KIF15: variants seen among roughly 807,000 people sequenced by gnomAD.
KIF15 encodes the protein kinesin family member 15.
KIF15 carries 140 observed loss-of-function variants against 190.6 expected under a neutral mutation model. That is an observed-to-expected ratio of 0.73 (90% CI 0.64 to 0.84). KIF15 has a LOEUF of 0.84. KIF15 is among the 40% of genes least tolerant of loss of function. The probability of loss-of-function intolerance (pLI) is 0.00; values close to 1 mark genes in which losing one functional copy is unlikely to be tolerated. For missense variants in KIF15, 1,372 were observed against 1,584.4 expected, an observed-to-expected ratio of 0.87 and a Z score of 2.28; for synonymous variants, 528 against 551.3, an observed-to-expected ratio of 0.96 and a Z score of 0.59.
intron 2 of KIF15, 121 bp from the exon 3 acceptor site, chr3:44,775,133 T>C (rs1705813739): frequency 2.7e-6 from 2 of 737,190 alleles, no homozygotes; most frequent in Non-Finnish European, 4.5e-6. Context: ...GTATGGGATA[T>C]GTCTTGGGCT....
intron 16 of KIF15, 98 bp downstream of exon 16, chr3:44,806,084 C>G: frequency 7.5e-7 from 1 of 1,331,074 alleles, no homozygotes; most frequent in Non-Finnish European, 1.0e-6. Context: ...ATGCAGATGA[C>G]ATCCCATGCA....
chr3:44,773,314 G>A (rs1575577057), intron 1 of KIF15, among the ~76,000 whole-genome samples: 1 of 152,326 alleles, frequency 6.6e-6, no homozygotes, highest in East Asian at 1.9e-4. Flanking sequence ...CTTCCCTGGG[G>A]CTTGAACCTA....
chr3:44,862,001 C>T lies in KIF15; in HGVS notation c.*59+9207C>T. 3 of 1,387,048 alleles carry T rather than the reference C, an allele frequency of 2.2e-6. No homozygotes were observed. The South Asian group carries it at 5.0e-5, about 23-fold the overall frequency. 85.9% of individuals were successfully genotyped at this position (1,387,048 alleles called of 1,614,324 possible). A position where few individuals can be genotyped will look rare whatever the true frequency, so the allele number is the denominator to read the frequency against. ...CCTGACACCCCCGCGGAATTCCCTC[C>T]GCACCTCCAGGCGGGTGCGATGCGG... On this transcript the variant is annotated intron_variant and NMD_transcript_variant, in intron 6 of 6. Coordinates refer to the KIF15 transcript ENST00000422209.
chr3:44,826,497 A>C (rs1166921031), intron 22 of KIF15, 37 bp downstream of exon 22: 1 of 1,310,174 alleles, frequency 7.6e-7, no homozygotes, highest in Non-Finnish European at 1.1e-6. Flanking sequence ...GCATACTAGA[A>C]TATTGTTTAA....
intron 16 of KIF15, among the ~76,000 whole-genome samples, chr3:44,808,256 A>C (rs1278273298): frequency 2.0e-5 from 3 of 152,232 alleles, no homozygotes; most frequent in African/African-American, 7.2e-5. Context: ...TTGAAGCACC[A>C]CGGCATTCTC....
At chr3:44,827,280 C>A in intron 22 of KIF15, 179 bp from the exon 23 acceptor site, 1 of 549,772 alleles carries the variant, frequency 1.8e-6, no homozygotes, top group African/African-American at 1.9e-5. Context: ...AAAATGGGTT[C>A]TCATTGAATA....
intron 20 of KIF15, among the ~76,000 whole-genome samples, chr3:44,824,218 T>A (rs1360144848): frequency 6.6e-6 from 1 of 152,234 alleles, no homozygotes; most frequent in Non-Finnish European, 1.5e-5. Flanking sequence ...TTTTAAAAAT[T>A]GAGTGTTTTA....
At chr3:44,827,332 G>A in intron 22 of KIF15, 127 bp from the exon 23 acceptor site, 1 of 649,702 alleles carries the variant, frequency 1.5e-6, no homozygotes, top group Non-Finnish European at 2.7e-6. Flanking sequence ...CCCCCCGGAA[G>A]GTAATGCCTG....
intron 2 of KIF15, 138 bp downstream of exon 2, chr3:44,774,575 G>T: frequency 8.8e-6 from 6 of 682,510 alleles, no homozygotes; most frequent in Non-Finnish European, 1.5e-5. Context: ...TGGGAAAACT[G>T]CATATTACCT....
intron 30 of KIF15, among the ~76,000 whole-genome samples, chr3:44,847,201 AG>A (rs950899116): frequency 6.6e-6 from 1 of 152,180 alleles, no homozygotes; most frequent in African/African-American, 2.4e-5. Flanking sequence ...ACCTCACTGT[AG>A]CTTCTGTTTT....
intron 20 of KIF15, among the ~76,000 whole-genome samples, chr3:44,820,400 G>C (rs1023281865): frequency 6.6e-6 from 1 of 151,794 alleles, no homozygotes; most frequent in South Asian, 2.1e-4. Flanking sequence ...TCTCACAGAG[G>C]GGGATTTGGC....
In KIF15 at chr3:44,812,204, C is replaced by G; in HGVS notation, c.2192C>G (p.Ala731Gly). Reference sequence around the variant, plus strand: ...CAGGAACAAATGAGTGCTCTTCAAGCCAAACTGGATGAAGAAGAGCATAAA... The same window carrying G: ...CAGGAACAAATGAGTGCTCTTCAAGGCAAACTGGATGAAGAAGAGCATAAA... ...TVQEQMSALQAKLDEEEHKNL... is the reference protein window; with the variant it reads ...TVQEQMSALQGKLDEEEHKNL... The change falls in exon 18 of 35, where the codon GCC (alanine) becomes GGC (glycine). Residue 731 changes from alanine (A) to glycine (G), a missense_variant. Ala to Gly is a moderately conservative substitution (Grantham distance 60). Transcript: ENST00000326047. 1 of 1,613,624 alleles carries G rather than the reference C, an allele frequency of 6.2e-7. No individual in the cohort carries two copies. The highest frequency in any genetic ancestry group is 1.1e-5 in the South Asian group (1 of 90,966).
intron 32 of KIF15, among the ~76,000 whole-genome samples, chr3:44,850,499 A>G (rs139183257): frequency 0.011 from 1,602 of 152,310 alleles, 18 homozygotes; most frequent in Middle Eastern, 0.027. Flanking sequence ...AGTCTTCATG[A>G]TATGCTGTCT....
chr3:44,848,384 T>C (rs1433961573), intron 31 of KIF15, 137 bp from the exon 32 acceptor site: 1 of 578,088 alleles, frequency 1.7e-6, no homozygotes, highest in Non-Finnish European at 3.1e-6. Flanking sequence ...TATGTGTAGC[T>C]GGCACTGTGG....
intron 30 of KIF15, among the ~76,000 whole-genome samples, chr3:44,846,771 C>CA (rs765234089): frequency 0.032 from 2,140 of 66,576 alleles, 38 homozygotes; most frequent in African/African-American, 0.058. Context: ...GACTCTGTCT[C>CA]AAAAAAAAAA....
intron 15 of KIF15, 120 bp downstream of exon 15, chr3:44,805,288 ACT>A (rs1334033699): frequency 1.1e-6 from 1 of 892,504 alleles, no homozygotes; most frequent in Admixed American, 2.7e-5. Flanking sequence ...CATAGCAGCA[ACT>A]ACTTTGACAT....
At chr3:44,784,568 C>G (rs1471150411) in intron 5 of KIF15, among the ~76,000 whole-genome samples, 1 of 152,284 alleles carries the variant, frequency 6.6e-6, no homozygotes, top group East Asian at 1.9e-4. Flanking sequence ...AGTAATTAGC[C>G]TATGGTCACA....
In KIF15 at chr3:44,851,914, C is replaced by T; in HGVS notation, c.3934C>T (p.Leu1312=). The change falls in exon 33 of 35, where the codon CTG becomes TTG. Residue 1312 remains leucine (L), a synonymous_variant. Coordinates refer to ENST00000326047, the MANE Select transcript of KIF15 (RefSeq NM_020242.3). ...FQEKEQLRSK[L]EEMYEERERT... is the part of the protein sequence containing the mutation. Reference sequence around the variant, plus strand: ...GGAAAAAGAACAACTGAGATCAAAGCTGGAAGAAATGTATGAAGAAAGAGA... The same window carrying T: ...GGAAAAAGAACAACTGAGATCAAAGTTGGAAGAAATGTATGAAGAAAGAGA... 2 of 1,613,714 alleles carry T rather than the reference C, an allele frequency of 1.2e-6. No homozygotes were observed. Among genetic ancestry groups the T allele is most frequent in the Non-Finnish European group, 1.7e-6 (2 of 1,179,866 alleles).
Position 44,805,100 on chromosome 3 carries a change from A to T in KIF15, c.1761A>T (p.Gln587His). The change falls in exon 15 of 35, where the codon CAA becomes CAT. Residue 587 changes from glutamine (Q) to histidine (H), a missense_variant. Physicochemically the swap from Gln to His is conservative, Grantham distance 24. Transcript: ENST00000326047. ...CAAACACTGAGAAGTTAAAAGCACA[A>T]CTCCTGCAAATTCAGACAGAGCTGA... ...LFANTEKLKA[Q>H]LLQIQTELNN... 4 of 1,613,974 alleles carry T rather than the reference A, an allele frequency of 2.5e-6. No individual in the cohort carries two copies. The highest frequency in any genetic ancestry group is 3.4e-6 in the Non-Finnish European group (4 of 1,179,922).
Sources: gnomAD v4.1 joint callset for allele counts (sites outside exome capture counted in the v4.1 genomes callset) on GRCh38, gnomAD v4.1.1 for gene constraint, MANE v1.5 for transcripts, NCBI Gene and HGNC (gene_info 2026-07-23, HGNC 2026-07-21) for gene names.